Variants in ABTB3 observed in about 807,000 individuals in gnomAD.
The protein encoded by ABTB3 is ankyrin repeat and BTB domain containing 3.
the ABTB3 span, among the ~76,000 whole-genome samples, chr12:107,620,949 G>A: frequency 6.6e-6 from 1 of 152,142 alleles, no homozygotes; most frequent in African/African-American, 2.4e-5. Flanking sequence ...GAACTCTGGG[G>A]TCTACTACGG....
chr12:107,397,012 T>G, the ABTB3 span, among the ~76,000 whole-genome samples: 1 of 152,238 alleles, frequency 6.6e-6, no homozygotes, highest in Non-Finnish European at 1.5e-5. Flanking sequence ...GAGCATTGAG[T>G]TGGCTCATTC....
At chr12:107,329,525 G>C in the ABTB3 span, among the ~76,000 whole-genome samples, 1 of 152,306 alleles carries the variant, frequency 6.6e-6, no homozygotes, top group East Asian at 1.9e-4. Flanking sequence ...CAGCCTCCTT[G>C]CTGAAAGAAC....
chr12:107,520,322 TC>T, the ABTB3 span: 2 of 972,114 alleles, frequency 2.1e-6, no homozygotes, highest in Non-Finnish European at 1.2e-6. Context: ...TAGCTGGGCA[TC>T]CATTTCTAAA....
the ABTB3 span, among the ~76,000 whole-genome samples, chr12:107,491,780 G>A: frequency 8.2e-5 from 12 of 146,984 alleles, no homozygotes; most frequent in Admixed American, 6.2e-4. Context: ...CGGAGATCAC[G>A]TCACCGCACT....
At chr12:107,320,450 G>T in the ABTB3 span, 1 of 406,580 alleles carries the variant, frequency 2.5e-6, no homozygotes, top group Non-Finnish European at 4.9e-6. Context: ...CCTTGAAGAT[G>T]CCACTTCCCT....
At chr12:107,654,815 TACACAC>T in the ABTB3 span, among the ~76,000 whole-genome samples, 13,359 of 141,134 alleles carry the variant, frequency 0.095, 634 homozygotes, top group South Asian at 0.16. Flanking sequence ...CTACATTGTA[TACACAC>T]ACACACACAC....
chr12:107,329,903 G>T, the ABTB3 span, among the ~76,000 whole-genome samples: 1 of 152,190 alleles, frequency 6.6e-6, no homozygotes, highest in African/African-American at 2.4e-5. Flanking sequence ...TTATGCAGAT[G>T]TAAATTTACA....
chr12:107,489,746 G>A, the ABTB3 span, among the ~76,000 whole-genome samples: 1 of 152,132 alleles, frequency 6.6e-6, no homozygotes, highest in Non-Finnish European at 1.5e-5. Context: ...TCTACTAAAT[G>A]AAACTTTAAA....
the ABTB3 span, among the ~76,000 whole-genome samples, chr12:107,489,746 G>T: frequency 6.6e-6 from 1 of 152,132 alleles, no homozygotes; most frequent in Non-Finnish European, 1.5e-5. Flanking sequence ...TCTACTAAAT[G>T]AAACTTTAAA....
the ABTB3 span, among the ~76,000 whole-genome samples, chr12:107,620,552 G>A: frequency 6.6e-6 from 1 of 152,128 alleles, no homozygotes; most frequent in Admixed American, 6.5e-5. Flanking sequence ...TGGGAGGGTG[G>A]GTACCCTGAG....
At chr12:107,582,613 G>A in the ABTB3 span, among the ~76,000 whole-genome samples, 1 of 152,184 alleles carries the variant, frequency 6.6e-6, no homozygotes, top group Non-Finnish European at 1.5e-5. Flanking sequence ...TGCAACAAAA[G>A]ATTTCTCTCT....
the ABTB3 span, among the ~76,000 whole-genome samples, chr12:107,410,360 A>G: frequency 6.6e-6 from 1 of 151,710 alleles, no homozygotes; most frequent in African/African-American, 2.4e-5. Flanking sequence ...TTGTGGTAGG[A>G]GGGAGCAGAG....
chr12:107,589,220 C>T, the ABTB3 span, among the ~76,000 whole-genome samples: 2 of 152,202 alleles, frequency 1.3e-5, no homozygotes, highest in Non-Finnish European at 2.9e-5. Flanking sequence ...CCAAGAAGGT[C>T]AGTTCTTTCT....
chr12:107,581,028 G>T, the ABTB3 span: 1 of 1,551,820 alleles, frequency 6.4e-7, no homozygotes, highest in South Asian at 1.2e-5. Context: ...CAGGGAAAGC[G>T]GGGTGTGGGC....
At chr12:107,407,990 C>A in the ABTB3 span, among the ~76,000 whole-genome samples, 1 of 151,998 alleles carries the variant, frequency 6.6e-6, no homozygotes, top group East Asian at 1.9e-4. Flanking sequence ...CAACCCCCAA[C>A]CTCCACGTCA....
chr12:107,421,990 T>A, the ABTB3 span, among the ~76,000 whole-genome samples: 1 of 152,046 alleles, frequency 6.6e-6, no homozygotes, highest in African/African-American at 2.4e-5. Context: ...TATACTCTAG[T>A]GGGGAAGACA....
the ABTB3 span, among the ~76,000 whole-genome samples, chr12:107,439,571 T>G: frequency 1.3e-5 from 2 of 152,164 alleles, no homozygotes; most frequent in South Asian, 4.1e-4. Flanking sequence ...CCCCCTGCCC[T>G]TCTCAGCTTC....
chr12:107,384,306 C>G, the ABTB3 span, among the ~76,000 whole-genome samples: 1 of 152,170 alleles, frequency 6.6e-6, no homozygotes, highest in African/African-American at 2.4e-5. Context: ...ACTCAAGCAG[C>G]CTGGCTCCAC....
At chr12:107,566,594 C>T in the ABTB3 span, among the ~76,000 whole-genome samples, 1 of 151,084 alleles carries the variant, frequency 6.6e-6, no homozygotes, top group South Asian at 2.1e-4. Flanking sequence ...GTTTCTTAGC[C>T]GCCAAGGCAA....
Sources: allele counts gnomAD v4.1 joint callset (sites outside exome capture counted in the v4.1 genomes callset), GRCh38; gene constraint gnomAD v4.1.1; transcripts MANE v1.5; gene names NCBI Gene and HGNC (gene_info 2026-07-23, HGNC 2026-07-21).